BBS9: variants seen among roughly 807,000 people sequenced by gnomAD.
BBS9 encodes Bardet-Biedl syndrome 9.
In BBS9, 89 loss-of-function variants were observed where a neutral mutation model predicts 117.7. That is an observed-to-expected ratio of 0.76 (90% CI 0.64 to 0.90). The LOEUF (loss-of-function observed/expected upper bound fraction) is 0.90, where lower values mean the gene tolerates loss of function less well. Among genes scored for constraint, BBS9 ranks in the 40% least tolerant of loss-of-function variants. The pLI is 0.00. For missense variants in BBS9, 982 were observed against 1,042.2 expected, an observed-to-expected ratio of 0.94 and a Z score of 0.80; for synonymous variants, 379 against 370.9, an observed-to-expected ratio of 1.02 and a Z score of -0.25.
chr7:33,405,374 G>A (rs952149857), intron 19 of BBS9, among the ~76,000 whole-genome samples: 5 of 152,056 alleles, frequency 3.3e-5, no homozygotes, highest in African/African-American at 9.7e-5. Flanking sequence ...GAGTTAGGGA[G>A]GATTCCCTCT....
At chr7:33,493,306 G>C (rs1287788815) in intron 19 of BBS9, among the ~76,000 whole-genome samples, 3 of 151,816 alleles carry the variant, frequency 2.0e-5, no homozygotes, top group Non-Finnish European at 2.9e-5. Context: ...TTTTTGTTGT[G>C]AGACTGTTGG....
At chr7:33,525,056 G>A (rs1343780180) in intron 20 of BBS9, among the ~76,000 whole-genome samples, 1 of 151,688 alleles carries the variant, frequency 6.6e-6, no homozygotes, top group Non-Finnish European at 1.5e-5. Flanking sequence ...TAGTTGAGCG[G>A]TTTTGAGTGA....
intron 19 of BBS9, among the ~76,000 whole-genome samples, chr7:33,500,573 A>T (rs1440607067): frequency 6.6e-6 from 1 of 152,224 alleles, no homozygotes; most frequent in Non-Finnish European, 1.5e-5. Flanking sequence ...TCTGGGTATG[A>T]CAGCCTTGCA....
At chr7:33,453,454 ATGAGGATAAAGACCT>A (rs1470783188) in intron 19 of BBS9, among the ~76,000 whole-genome samples, 1 of 151,806 alleles carries the variant, frequency 6.6e-6, no homozygotes, top group Non-Finnish European at 1.5e-5. Context: ...CATGAAGACC[ATGAGGATAAAGACCT>A]TTATGATGAT....
chr7:33,419,846 G>C (rs888225792), intron 19 of BBS9, among the ~76,000 whole-genome samples: 3 of 151,986 alleles, frequency 2.0e-5, no homozygotes, highest in Non-Finnish European at 4.4e-5. Flanking sequence ...AAATTACCTT[G>C]AATTTTTTTT....
intron 21 of BBS9, 61 bp downstream of exon 21, chr7:33,534,237 G>T: frequency 6.6e-7 from 1 of 1,522,282 alleles, no homozygotes; most frequent in South Asian, 1.2e-5. Flanking sequence ...AGAGGAATGT[G>T]CCTGTGGTTG....
intron 20 of BBS9, among the ~76,000 whole-genome samples, chr7:33,524,121 C>CT (rs1373497874): frequency 7.8e-6 from 1 of 129,012 alleles, no homozygotes; most frequent in Non-Finnish European, 1.6e-5. Context: ...GGTGGATAAG[C>CT]TTTTTGATGT....
chr7:33,188,074 G>A (rs1383556390), intron 5 of BBS9, among the ~76,000 whole-genome samples: 1 of 110,266 alleles, frequency 9.1e-6, no homozygotes, highest in Non-Finnish European at 2.0e-5. Context: ...CCCTGTAGTT[G>A]AGTGAATGTG....
In BBS9 at chr7:33,462,503, T is replaced by C. The variant is rs1324310784; in HGVS notation, c.2116-42960T>C. 3.9e-5 allele frequency among the ~76,000 whole-genome samples: 6 copies of C among 152,030 alleles called. No individual in the cohort carries two copies. The East Asian group carries it at 1.2e-3, about 29-fold the overall frequency. On this transcript the variant is annotated intron_variant, in intron 19 of 22. Transcript: ENST00000242067. ...AATGGCTGCATATTTCTGAAAACAC[T>C]CTAGGGTGACTGTAAAAAATATTAC...
At chr7:33,442,582 A>G (rs1050569420) in intron 19 of BBS9, among the ~76,000 whole-genome samples, 1 of 152,234 alleles carries the variant, frequency 6.6e-6, no homozygotes, top group South Asian at 2.1e-4. Context: ...ACAATTGATT[A>G]AAATGGAAGC....
intron 11 of BBS9, among the ~76,000 whole-genome samples, 188 bp from the exon 12 acceptor site, chr7:33,344,393 G>A (rs1817216192): frequency 6.6e-6 from 1 of 152,028 alleles, no homozygotes. Context: ...TTAAATATTA[G>A]CTTATGACTT....
intron 10 of BBS9, 107 bp from the exon 11 acceptor site, chr7:33,340,790 G>T: frequency 1.1e-6 from 1 of 875,242 alleles, no homozygotes; most frequent in Non-Finnish European, 1.8e-6. Flanking sequence ...TTGTGAGTAT[G>T]TTTATGGGGT....
chr7:33,211,437 G>A lies in BBS9; in HGVS notation c.442+33846G>A, dbSNP rs191919082. 3.3e-3 allele frequency among the ~76,000 whole-genome samples: 508 copies of A among 152,170 alleles called. 2 individuals carry two copies. Among genetic ancestry groups the A allele is most frequent in the African/African-American group, 0.012 (486 of 41,524 alleles). ...GATTGCATGAACAAAAAACAAACAT[G>A]CAAAAGAAAACTCTACACTTTAACT... On this transcript the variant is annotated intron_variant, in intron 5 of 22. Coordinates refer to ENST00000242067, the MANE Select transcript of BBS9 (RefSeq NM_198428.3).
intron 5 of BBS9, among the ~76,000 whole-genome samples, chr7:33,236,658 C>T (rs1793576397): frequency 6.6e-6 from 1 of 151,808 alleles, no homozygotes; most frequent in African/African-American, 2.4e-5. Context: ...TTTTAATTGA[C>T]AATTTTATAT....
intron 19 of BBS9, among the ~76,000 whole-genome samples, chr7:33,462,442 G>T (rs931209996): frequency 2.0e-5 from 3 of 152,060 alleles, no homozygotes; most frequent in Non-Finnish European, 4.4e-5. Flanking sequence ...CTCTTAAGTT[G>T]CCACAATTAT....
chr7:33,303,440 C>T (rs910207706), intron 9 of BBS9, among the ~76,000 whole-genome samples: 1 of 151,628 alleles, frequency 6.6e-6, no homozygotes, highest in Non-Finnish European at 1.5e-5. Context: ...TCTTTCTGTA[C>T]CCAGTTTTTT....
chr7:33,167,762 T>A (rs1795928434), intron 4 of BBS9, among the ~76,000 whole-genome samples: 1 of 152,164 alleles, frequency 6.6e-6, no homozygotes, highest in Admixed American at 6.5e-5. Context: ...GAAACCTGTA[T>A]TCAAGAGTGC....
chr7:33,208,581 C>T (rs1787400169), intron 5 of BBS9, among the ~76,000 whole-genome samples: 1 of 152,154 alleles, frequency 6.6e-6, no homozygotes, highest in Non-Finnish European at 1.5e-5. Context: ...CCTTTCTTTC[C>T]TCACTTTCAA....
At chr7:33,580,262 C>G (rs1859657338) in intron 21 of BBS9, among the ~76,000 whole-genome samples, 1 of 151,442 alleles carries the variant, frequency 6.6e-6, no homozygotes, top group Non-Finnish European at 1.5e-5. Context: ...TCATGTAGCT[C>G]AATTAGCCCG....
Sources: allele counts gnomAD v4.1 joint callset (sites outside exome capture counted in the v4.1 genomes callset), GRCh38; gene constraint gnomAD v4.1.1; transcripts MANE v1.5; gene names NCBI Gene and HGNC (gene_info 2026-07-23, HGNC 2026-07-21).